The following DMD variants were observed in gnomAD, a reference collection of about 807,000 sequenced individuals.
DMD encodes the protein dystrophin, also known as mutant dystrophin.
DMD carries 63 observed loss-of-function variants against 330.1 expected under a neutral mutation model. The ratio of observed to expected loss-of-function variants is 0.19; its 90% CI spans 0.16 to 0.24. The LOEUF (loss-of-function observed/expected upper bound fraction) is 0.24, where lower values mean the gene tolerates loss of function less well. DMD is among the 10% of genes least tolerant of loss of function. The probability of loss-of-function intolerance (pLI) is 1.00; values close to 1 mark genes in which losing one functional copy is unlikely to be tolerated. For synonymous variants in DMD, 1,223 were observed against 959.8 expected (o/e 1.27, Z -5.07); for missense variants, 3,344 against 2,684.1 (o/e 1.25, Z -5.43).
chrX:31,395,911 G>A (rs1013616710), intron 60 of DMD, among the ~76,000 whole-genome samples: 37 of 112,037 alleles, frequency 3.3e-4, no homozygotes, highest in Non-Finnish European at 6.4e-4. Context: ...TCTAAACAAT[G>A]AAGAATTTAT....
At chrX:32,534,578 A>G (rs920630000) in intron 17 of DMD, among the ~76,000 whole-genome samples, 2 of 111,304 alleles carry the variant, frequency 1.8e-5, no homozygotes, top group African/African-American at 3.3e-5. Context: ...AGCCAGTTAA[A>G]TCAATTTTCA....
intron 50 of DMD, among the ~76,000 whole-genome samples, chrX:31,807,027 G>A (rs1255863299): frequency 8.9e-6 from 1 of 111,857 alleles, no homozygotes; most frequent in Non-Finnish European, 1.9e-5. Context: ...GAGGCAAAGG[G>A]AAGTATGAAC....
chrX:32,664,727 G>A (rs1376999286), intron 9 of DMD, among the ~76,000 whole-genome samples: 1 of 111,994 alleles, frequency 8.9e-6, no homozygotes, highest in African/African-American at 3.3e-5. Context: ...AATTTGAATT[G>A]ACTAGGAATG....
intron 45 of DMD, among the ~76,000 whole-genome samples, chrX:31,941,981 C>T (rs772966786): frequency 8.1e-5 from 9 of 111,592 alleles, no homozygotes; most frequent in Middle Eastern, 4.2e-3. Context: ...TATAGTGCTG[C>T]GACGAACATG....
chrX:31,240,941 ATTT>A (rs1004966696), intron 63 of DMD, among the ~76,000 whole-genome samples: 5 of 106,713 alleles, frequency 4.7e-5, no homozygotes, highest in Non-Finnish European at 7.8e-5. Context: ...CCTAAGCTTC[ATTT>A]TTTTTTTGTT....
At chrX:32,547,771 G>A (rs187143435) in intron 16 of DMD, among the ~76,000 whole-genome samples, 2 of 111,117 alleles carry the variant, frequency 1.8e-5, no homozygotes, top group African/African-American at 3.3e-5. Context: ...TTATTACAGA[G>A]CTCACTACTC....
intron 55 of DMD, among the ~76,000 whole-genome samples, chrX:31,565,021 G>C (rs1201922321): frequency 8.9e-6 from 1 of 112,238 alleles, no homozygotes; most frequent in African/African-American, 3.2e-5. Flanking sequence ...GACTGTTGAA[G>C]TCTTAAAATT....
intron 50 of DMD, among the ~76,000 whole-genome samples, chrX:31,808,637 G>A (rs891592011): frequency 7.2e-5 from 8 of 111,165 alleles, no homozygotes; most frequent in Non-Finnish European, 1.3e-4. Context: ...TGGTGGGAGT[G>A]GATGTCAGTT....
At chrX:32,794,822 G>A (rs753697550) in intron 7 of DMD, among the ~76,000 whole-genome samples, 1 of 111,745 alleles carries the variant, frequency 8.9e-6, no homozygotes, top group South Asian at 3.7e-4. Context: ...TAGTAAAGTT[G>A]CAGGATACAA....
At chrX:31,378,667 A>C in intron 60 of DMD, among the ~76,000 whole-genome samples, 1 of 105,779 alleles carries the variant, frequency 9.5e-6, no homozygotes, top group African/African-American at 3.5e-5. Context: ...CCTTCTCTCC[A>C]TGTCTCTACC....
chrX:32,325,659 G>A (rs758865404), intron 41 of DMD, among the ~76,000 whole-genome samples: 2 of 111,897 alleles, frequency 1.8e-5, no homozygotes, highest in Non-Finnish European at 3.8e-5. Context: ...ACTAGTGGCT[G>A]CTGTTGCCCA....
intron 1 of DMD, among the ~76,000 whole-genome samples, chrX:33,206,426 T>C (rs1271072625): frequency 2.7e-5 from 3 of 111,805 alleles, no homozygotes; most frequent in Non-Finnish European, 5.6e-5. Flanking sequence ...TAAAGGATCA[T>C]TGTCCATTCT....
chrX:32,773,840 T>C (rs1272620292), intron 7 of DMD, among the ~76,000 whole-genome samples: 1 of 112,108 alleles, frequency 8.9e-6, no homozygotes, highest in Non-Finnish European at 1.9e-5. Context: ...GCATCTGATC[T>C]ATTCCTACAA....
intron 12 of DMD, among the ~76,000 whole-genome samples, chrX:32,607,003 G>T (rs1428273931): frequency 8.2e-5 from 9 of 109,337 alleles, no homozygotes; most frequent in Admixed American, 4.9e-4. Flanking sequence ...TAGGCTGGTA[G>T]GGGGGTGAGG....
At chrX:33,310,994 G>C (rs1335106906) in intron 1 of DMD, among the ~76,000 whole-genome samples, 1 of 110,366 alleles carries the variant, frequency 9.1e-6, no homozygotes, top group Non-Finnish European at 1.9e-5. Flanking sequence ...GCTGTTCTAA[G>C]TTATGTAAAG....
intron 17 of DMD, among the ~76,000 whole-genome samples, chrX:32,544,844 GAAGAAAAAAAAAA>G (rs1318469570): frequency 2.9e-5 from 3 of 103,507 alleles, no homozygotes; most frequent in African/African-American, 1.1e-4. Flanking sequence ...CCTTTATAAG[GAAGAAAAAAAAAA>G]AAGAAAGAAA....
intron 1 of DMD, among the ~76,000 whole-genome samples, chrX:33,162,431 A>G (rs1235616771): frequency 8.9e-6 from 1 of 112,017 alleles, no homozygotes; most frequent in East Asian, 2.8e-4. Flanking sequence ...AGTTGAAAAA[A>G]TAATTAGTAA....
intron 43 of DMD, among the ~76,000 whole-genome samples, chrX:32,236,086 T>A (rs1482586177): frequency 8.9e-6 from 1 of 111,985 alleles, no homozygotes; most frequent in Non-Finnish European, 1.9e-5. Context: ...GGTGATAGGA[T>A]TTCCTCCTCA....
At chrX:32,192,320 C>T (rs979947896) in intron 44 of DMD, among the ~76,000 whole-genome samples, 4 of 111,516 alleles carry the variant, frequency 3.6e-5, no homozygotes, top group African/African-American at 6.5e-5. Flanking sequence ...GTAAAACATA[C>T]ATCTAGTTAA....
Sources: allele counts gnomAD v4.1 joint callset (sites outside exome capture counted in the v4.1 genomes callset), GRCh38; gene constraint gnomAD v4.1.1; transcripts MANE v1.5; gene names NCBI Gene and HGNC (gene_info 2026-07-23, HGNC 2026-07-21).